Variants in NGEF observed in about 807,000 individuals in gnomAD.
The protein encoded by NGEF is neuronal guanine nucleotide exchange factor, also known as ephexin-1.
Under a neutral mutation model 80.9 loss-of-function variants are expected in NGEF, and 31 were observed. The ratio of observed to expected loss-of-function variants is 0.38; its 90% CI spans 0.29 to 0.52. The LOEUF is 0.52. Among genes scored for constraint, NGEF ranks in the 20% least tolerant of loss-of-function variants. The pLI is 0.84. For missense variants in NGEF, 709 were observed against 926.2 expected (o/e 0.77, Z 3.04); for synonymous variants, 371 against 370.2 (o/e 1.00, Z -0.03).
intron 3 of NGEF, among the ~76,000 whole-genome samples, chr2:232,937,216 C>T (rs1457633998): frequency 6.6e-6 from 1 of 152,162 alleles, no homozygotes; most frequent in Non-Finnish European, 1.5e-5. Context: ...GATCCACCTG[C>T]CTCGGTCTCT....
chr2:232,883,945 C>G (rs939370575), intron 11 of NGEF, 36 bp downstream of exon 11: 1 of 1,573,680 alleles, frequency 6.4e-7, no homozygotes, highest in African/African-American at 1.3e-5. Context: ...ACTCCTCTAC[C>G]CACCGGAGCG....
At chr2:232,888,437 CACATGCACAACACGAT>C in intron 8 of NGEF, among the ~76,000 whole-genome samples, 1 of 151,348 alleles carries the variant, frequency 6.6e-6, no homozygotes, top group East Asian at 1.9e-4. Context: ...TACATGCTCA[CACATGCACAACACGAT>C]GCATGCACAC....
intron 4 of NGEF, among the ~76,000 whole-genome samples, chr2:232,923,837 G>C (rs962296382): frequency 6.6e-6 from 1 of 152,188 alleles, no homozygotes; most frequent in African/African-American, 2.4e-5. Flanking sequence ...TCGTATGTTG[G>C]AACCTAATAC....
chr2:232,981,541 G>A (rs2106328111), intron 1 of NGEF, among the ~76,000 whole-genome samples: 1 of 152,130 alleles, frequency 6.6e-6, no homozygotes, highest in Non-Finnish European at 1.5e-5. Context: ...GCACTGGATG[G>A]ATCAGCTGAC....
At chr2:232,980,021 G>A (rs771876798) in intron 1 of NGEF, among the ~76,000 whole-genome samples, 2 of 152,162 alleles carry the variant, frequency 1.3e-5, no homozygotes, top group Non-Finnish European at 2.9e-5. Flanking sequence ...AAATGGTGCG[G>A]CAGGGGTCAC....
intron 3 of NGEF, among the ~76,000 whole-genome samples, chr2:232,961,974 C>G (rs1428436818): frequency 6.6e-6 from 1 of 152,174 alleles, no homozygotes; most frequent in Admixed American, 6.5e-5. Flanking sequence ...TAAAGCGGCT[C>G]TGGTTTTTGA....
At chr2:232,886,396 G>A (rs565039636) in intron 9 of NGEF, among the ~76,000 whole-genome samples, 101 of 151,852 alleles carry the variant, frequency 6.7e-4, no homozygotes, top group African/African-American at 2.4e-3. Flanking sequence ...ATGTATGGGC[G>A]TGTATGTGCT....
At chr2:232,979,559 T>G (rs555137608) in intron 1 of NGEF, among the ~76,000 whole-genome samples, 1 of 152,272 alleles carries the variant, frequency 6.6e-6, no homozygotes, top group Non-Finnish European at 1.5e-5. Context: ...ACCCCAATCT[T>G]CTGATGTTCC....
chr2:232,894,785 G>A lies in NGEF; in HGVS notation c.960C>T (p.Asn320=), dbSNP rs200520703. The change falls in exon 6 of 15, where the codon AAC becomes AAT. Residue 320 remains asparagine, a synonymous_variant. Transcript: ENST00000264051. ...HPSEAHILFS[N]VLDVLAVSER... ...CACTGACAGCCAGCACGTCCAGGACGTTGGAGAAGAGGATGTGCGCCTCGG... is the reference window on the plus strand; with the variant it reads ...CACTGACAGCCAGCACGTCCAGGACATTGGAGAAGAGGATGTGCGCCTCGG... The A allele has an allele frequency of 1.1e-4, 181 of 1,608,654 alleles. No individual in the cohort carries two copies. In the East Asian group the frequency reaches 3.0e-3, roughly 27 times the overall value.
rs1174753622 is a variant in NGEF, at chr2:232,974,690, G to A, written c.201C>T (p.Arg67=). Residue 67 remains arginine (R), a synonymous_variant, in exon 2 of 15, where the codon CGC becomes CGT. Transcript: ENST00000264051. ...IPIKRNSIFN[R]SIRRKSKAKA... ...TGGCTTTGCTTTTGCGTCTTATGGA[G>A]CGATTGAAGATGGAATTTCTCTTAA... The A allele has an allele frequency of 1.2e-6, 2 of 1,614,132 alleles. No homozygotes were observed. Among genetic ancestry groups the A allele is most frequent in the South Asian group, 2.2e-5 (2 of 91,092 alleles).
Position 232,972,744 on chromosome 2 carries a change from C to CTTTTT in NGEF, c.268+1874_268+1878dup, listed in dbSNP as rs61594239. The stretch of plus-strand genomic sequence containing the variant: ...CTTTCTCCCCAGCCATGTCCTTATC[C>CTTTTT]TTTTTTTTTTTTTTTTTTTTTTTTT... On this transcript the variant is annotated intron_variant, in intron 2 of 14. Transcript: ENST00000264051. Among the ~76,000 whole-genome samples, 17 of 123,380 alleles carry CTTTTT rather than the reference C, an allele frequency of 1.4e-4. 1 individual carries two copies. The highest frequency in any genetic ancestry group is 8.9e-4 in the East Asian group (2 of 2,246). 80.9% of individuals were successfully genotyped at this position (123,380 alleles called of 152,430 possible).
chr2:232,897,138 G>C (rs1692123656), intron 5 of NGEF, among the ~76,000 whole-genome samples: 1 of 148,992 alleles, frequency 6.7e-6, no homozygotes, highest in African/African-American at 2.5e-5. Flanking sequence ...AGGGGGTGGA[G>C]GTGGGGGTCT....
At chr2:232,993,002 T>TACAC (rs1269574098) in intron 1 of NGEF, among the ~76,000 whole-genome samples, 5 of 123,982 alleles carry the variant, frequency 4.0e-5, no homozygotes, top group African/African-American at 1.8e-4. Flanking sequence ...TATATATATA[T>TACAC]ATACACACAC....
At chr2:232,895,733 T>G (rs929275333) in intron 5 of NGEF, among the ~76,000 whole-genome samples, 1 of 152,082 alleles carries the variant, frequency 6.6e-6, no homozygotes, top group Non-Finnish European at 1.5e-5. Flanking sequence ...ATGTTTACCT[T>G]TTTACCTTTT....
intron 3 of NGEF, among the ~76,000 whole-genome samples, chr2:232,954,161 G>A (rs1295307515): frequency 6.6e-6 from 1 of 152,134 alleles, no homozygotes; most frequent in Admixed American, 6.6e-5. Context: ...CTTTTACATA[G>A]ATGACCCTGT....
At chr2:233,007,390 C>T (rs10193545) in intron 1 of NGEF, among the ~76,000 whole-genome samples, 54,858 of 152,074 alleles carry the variant, frequency 0.36, 11,725 homozygotes, top group Non-Finnish European at 0.48. Flanking sequence ...CCCTTTGGCC[C>T]GCCAGGTAGC....
chr2:233,000,960 G>A (rs1174661514), intron 1 of NGEF, among the ~76,000 whole-genome samples: 1 of 152,058 alleles, frequency 6.6e-6, no homozygotes, highest in African/African-American at 2.4e-5. Context: ...TTCTCGAAAC[G>A]GCGCCGTGAA....
At chr2:232,934,960 A>T (rs528661647) in intron 3 of NGEF, among the ~76,000 whole-genome samples, 1 of 151,920 alleles carries the variant, frequency 6.6e-6, no homozygotes, top group Non-Finnish European at 1.5e-5. Flanking sequence ...GTATGCCAAG[A>T]TCGCACTACT....
intron 12 of NGEF, among the ~76,000 whole-genome samples, chr2:232,883,097 A>ACACG (rs1559189197): frequency 1.3e-5 from 2 of 151,510 alleles, no homozygotes; most frequent in African/African-American, 4.9e-5. Flanking sequence ...ACACGCACAC[A>ACACG]CGTACACGCG....
Sources: gnomAD v4.1 joint callset for allele counts (sites outside exome capture counted in the v4.1 genomes callset) on GRCh38, gnomAD v4.1.1 for gene constraint, MANE v1.5 for transcripts, NCBI Gene and HGNC (gene_info 2026-07-23, HGNC 2026-07-21) for gene names.